CADPS2: variants seen among roughly 807,000 people sequenced by gnomAD.
CADPS2 encodes calcium dependent secretion activator 2, also known as calcium-dependent secretion activator 2.
In CADPS2, 93 loss-of-function variants were observed where a neutral mutation model predicts 172.5. That is an observed-to-expected ratio of 0.54 (90% CI 0.46 to 0.64). The LOEUF (loss-of-function observed/expected upper bound fraction) is 0.64, where lower values mean the gene tolerates loss of function less well. CADPS2 is among the 30% of genes least tolerant of loss of function. CADPS2 has a pLI of 0.00. For missense variants in CADPS2, 1,420 were observed against 1,565.9 expected (o/e 0.91, Z 1.57); for synonymous variants, 546 against 555.2 (o/e 0.98, Z 0.23).
chr7:122,387,459 T>A (rs1228186108), intron 23 of CADPS2, among the ~76,000 whole-genome samples: 8 of 151,970 alleles, frequency 5.3e-5, no homozygotes, highest in Non-Finnish European at 8.8e-5. Context: ...CCACATTTAA[T>A]GGAAAAAAAA....
At chr7:122,374,722 G>T (rs185182575) in intron 25 of CADPS2, among the ~76,000 whole-genome samples, 1 of 152,032 alleles carries the variant, frequency 6.6e-6, no homozygotes, top group Admixed American at 6.6e-5. Flanking sequence ...GGGGCCTGTC[G>T]GGGGCTGTGG....
chr7:122,328,132 GACACACAC>G (rs71159790), intron 28 of CADPS2, among the ~76,000 whole-genome samples: 371 of 145,686 alleles, frequency 2.5e-3, no homozygotes, highest in Middle Eastern at 6.9e-3. Context: ...GTAAAATGCA[GACACACAC>G]ACACACACAC....
intron 3 of CADPS2, among the ~76,000 whole-genome samples, chr7:122,655,752 T>C (rs1235086962): frequency 6.6e-6 from 1 of 152,184 alleles, no homozygotes; most frequent in Non-Finnish European, 1.5e-5. Flanking sequence ...TTTATTTTCA[T>C]AATTTCTGTA....
chr7:122,751,962 G>A (rs1405753951), intron 1 of CADPS2, among the ~76,000 whole-genome samples: 2 of 152,110 alleles, frequency 1.3e-5, no homozygotes, highest in Non-Finnish European at 2.9e-5. Context: ...TTATCCTGAA[G>A]AAGAGCGAGT....
intron 12 of CADPS2, among the ~76,000 whole-genome samples, chr7:122,474,883 T>C (rs2056445904): frequency 6.6e-6 from 1 of 152,168 alleles, no homozygotes; most frequent in Non-Finnish European, 1.5e-5. Context: ...AAAACAGCAA[T>C]GATGCCTAGG....
chr7:122,820,814 C>A (rs1303005058), intron 1 of CADPS2, among the ~76,000 whole-genome samples: 1 of 138,138 alleles, frequency 7.2e-6, no homozygotes, highest in Non-Finnish European at 1.6e-5. Context: ...CCGCCTCGGC[C>A]TCCCAAAGTG....
chr7:122,635,332 A>G (rs1395342873), intron 3 of CADPS2, among the ~76,000 whole-genome samples: 4 of 151,438 alleles, frequency 2.6e-5, no homozygotes, highest in Non-Finnish European at 4.4e-5. Context: ...CACAATGTGC[A>G]GGTTAGTTAC....
chr7:122,654,262 T>C (rs2079498857), intron 3 of CADPS2, among the ~76,000 whole-genome samples: 1 of 152,250 alleles, frequency 6.6e-6, no homozygotes, highest in Admixed American at 6.5e-5. Flanking sequence ...CCAGAAGATC[T>C]AGCTAAGATC....
intron 1 of CADPS2, among the ~76,000 whole-genome samples, chr7:122,793,830 T>A (rs557667964): frequency 6.6e-6 from 1 of 152,204 alleles, no homozygotes; most frequent in African/African-American, 2.4e-5. Context: ...CTGGTGGTAA[T>A]GGACTCCCTT....
intron 6 of CADPS2, among the ~76,000 whole-genome samples, chr7:122,592,548 T>C (rs907246680): frequency 3.9e-5 from 6 of 152,150 alleles, no homozygotes; most frequent in African/African-American, 9.7e-5. Context: ...CGTATGTTTA[T>C]TGTGGCACAA....
intron 5 of CADPS2, among the ~76,000 whole-genome samples, chr7:122,617,255 A>T (rs1380858348): frequency 6.6e-6 from 1 of 152,208 alleles, no homozygotes; most frequent in Non-Finnish European, 1.5e-5. Flanking sequence ...CGTCATTTTC[A>T]AAAGATACAG....
chr7:122,885,094 T>C (rs918830460), intron 1 of CADPS2, among the ~76,000 whole-genome samples: 2 of 152,200 alleles, frequency 1.3e-5, no homozygotes, highest in Admixed American at 6.5e-5. Flanking sequence ...AGGTTCAGCA[T>C]TCTATTAAAA....
chr7:122,422,586 T>C (rs2048656501), intron 17 of CADPS2, among the ~76,000 whole-genome samples: 3 of 152,144 alleles, frequency 2.0e-5, no homozygotes, highest in Admixed American at 6.5e-5. Flanking sequence ...AACAAATTGT[T>C]CTAATTACAG....
At chr7:122,338,306 A>G (rs968155847) in intron 28 of CADPS2, among the ~76,000 whole-genome samples, 5 of 152,160 alleles carry the variant, frequency 3.3e-5, no homozygotes, top group African/African-American at 1.2e-4. Flanking sequence ...CTGAGGAAGA[A>G]TTGCTTGAGC....
intron 6 of CADPS2, among the ~76,000 whole-genome samples, chr7:122,614,458 C>T (rs947910153): frequency 6.6e-6 from 1 of 151,852 alleles, no homozygotes; most frequent in Admixed American, 6.6e-5. Context: ...ATCCTAAATC[C>T]TATAAGATAT....
chr7:122,524,690 A>T lies in CADPS2; in HGVS notation c.1476-11375T>A, dbSNP rs1439563110. Among the ~76,000 whole-genome samples the T allele has an allele frequency of 2.0e-5, 3 of 152,342 alleles. No homozygotes were observed. In the South Asian group the frequency reaches 6.2e-4, roughly 32 times the overall value. ...AATATCTGTAACAGTCATGTTCTCT[A>T]GCACATACTTTGAGAAATTAACTGG... On this transcript the variant is annotated intron_variant, in intron 8 of 29. Coordinates refer to ENST00000449022, the MANE Select transcript of CADPS2 (RefSeq NM_017954.11).
intron 1 of CADPS2, among the ~76,000 whole-genome samples, chr7:122,878,712 A>G (rs1822019091): frequency 6.6e-6 from 1 of 151,910 alleles, no homozygotes; most frequent in Non-Finnish European, 1.5e-5. Flanking sequence ...AGTTAAAATT[A>G]CATGAAAATT....
In CADPS2 at chr7:122,841,721, G is replaced by A. The variant is rs186338801; in HGVS notation, c.339+44278C>T. Among the ~76,000 whole-genome samples, 9 of 152,238 alleles carry A rather than the reference G, an allele frequency of 5.9e-5. No homozygotes were observed. In the East Asian group the frequency reaches 7.7e-4, roughly 13 times the overall value. On this transcript the variant is annotated intron_variant, in intron 1 of 29. Coordinates refer to ENST00000449022, the MANE Select transcript of CADPS2 (RefSeq NM_017954.11). Reference sequence around the variant, plus strand: ...ACACCATTAAATAACTAAAGAAAACGAAGAGTTGCCTTAAATTTTCAGCTG... The same window carrying A: ...ACACCATTAAATAACTAAAGAAAACAAAGAGTTGCCTTAAATTTTCAGCTG...
chr7:122,416,927 A>G (rs2047993128), intron 17 of CADPS2, among the ~76,000 whole-genome samples: 1 of 152,226 alleles, frequency 6.6e-6, no homozygotes. Flanking sequence ...GTGTAATGAA[A>G]CTGTTTCAAA....
Sources: gnomAD v4.1 joint callset for allele counts (sites outside exome capture counted in the v4.1 genomes callset) on GRCh38, gnomAD v4.1.1 for gene constraint, MANE v1.5 for transcripts, NCBI Gene and HGNC (gene_info 2026-07-23, HGNC 2026-07-21) for gene names.